TRIO: variants seen among roughly 807,000 people sequenced by gnomAD.
TRIO encodes trio Rho guanine nucleotide exchange factor, also known as triple functional domain protein.
TRIO carries 58 observed loss-of-function variants against 351.9 expected under a neutral mutation model. The ratio of observed to expected loss-of-function variants is 0.16; its 90% CI spans 0.13 to 0.21. TRIO has a LOEUF of 0.21. Ranked by LOEUF, TRIO falls within the 10% of genes least tolerant of loss-of-function variation. The probability of loss-of-function intolerance (pLI) is 1.00; values close to 1 mark genes in which losing one functional copy is unlikely to be tolerated. For missense variants in TRIO, 3,201 were observed against 4,027.8 expected (o/e 0.79, Z 5.56); for synonymous variants, 1,758 against 1,595.7 (o/e 1.10, Z -2.42).
chr5:14,203,090 G>A (rs1332542845), intron 1 of TRIO, among the ~76,000 whole-genome samples: 6 of 152,064 alleles, frequency 3.9e-5, no homozygotes, highest in South Asian at 2.1e-4. Flanking sequence ...GGTTATAGTC[G>A]TAACTTTTTA....
intron 39 of TRIO, among the ~76,000 whole-genome samples, chr5:14,473,672 G>A (rs1754841373): frequency 6.6e-6 from 1 of 152,182 alleles, no homozygotes; most frequent in South Asian, 2.1e-4. Context: ...ATATGATTCT[G>A]ACCAAATATT....
At chr5:14,359,765 G>C (rs978227126) in intron 13 of TRIO, among the ~76,000 whole-genome samples, 1 of 152,364 alleles carries the variant, frequency 6.6e-6, no homozygotes, top group South Asian at 2.1e-4. Flanking sequence ...AAACTATAGA[G>C]CAGGCAGCTC....
At chr5:14,156,500 G>C (rs1312691352) in intron 1 of TRIO, among the ~76,000 whole-genome samples, 3 of 152,030 alleles carry the variant, frequency 2.0e-5, no homozygotes, top group Non-Finnish European at 2.9e-5. Flanking sequence ...TGCACCTCTT[G>C]GTGATAAAAA....
intron 26 of TRIO, 135 bp downstream of exon 26, chr5:14,390,435 T>G: frequency 3.9e-6 from 3 of 776,552 alleles, no homozygotes; most frequent in Non-Finnish European, 6.2e-6. Flanking sequence ...AGACTTTACC[T>G]CAAAGAATTG....
At chr5:14,165,157 A>G (rs1244868105) in intron 1 of TRIO, among the ~76,000 whole-genome samples, 1 of 152,232 alleles carries the variant, frequency 6.6e-6, no homozygotes, top group African/African-American at 2.4e-5. Context: ...TACAGGGGAT[A>G]TACGAGCAGA....
chr5:14,218,191 C>T (rs188248339), intron 1 of TRIO, among the ~76,000 whole-genome samples: 2 of 152,234 alleles, frequency 1.3e-5, no homozygotes, highest in Admixed American at 1.3e-4. Flanking sequence ...TGTCAGTAAG[C>T]AGTTAAGTGG....
In TRIO at chr5:14,374,259, G is replaced by A; in HGVS notation, c.3247G>A (p.Val1083Ile). Residue 1083 changes from valine (V) to isoleucine (I), a missense_variant, in exon 19 of 57, where the codon GTC becomes ATC. This residue lies in a region of TRIO where 201 missense variants were observed against 266.5 expected (regional missense o/e 0.75). Transcript: ENST00000344204. ...CACCCTTGCTCGGAGGAATGCAGAC[G>A]TCTTCCTGAAATACCTGCACAGGAA... Reference protein sequence around the residue: ...ACTLARRNADVFLKYLHRNSV... With the variant: ...ACTLARRNADIFLKYLHRNSV... 1.9e-6 allele frequency: 3 copies of A among 1,613,622 alleles called. No homozygotes were observed. Among genetic ancestry groups the A allele is most frequent in the Non-Finnish European group, 1.7e-6 (2 of 1,179,700 alleles).
chr5:14,498,001 A>G (rs1757010100), intron 51 of TRIO, 88 bp from the exon 52 acceptor site: 1 of 1,610,318 alleles, frequency 6.2e-7, no homozygotes, highest in African/African-American at 1.3e-5. Flanking sequence ...ATAGCAGGTT[A>G]GGTCCTATCA....
intron 1 of TRIO, among the ~76,000 whole-genome samples, chr5:14,207,428 ACACG>A (rs1561202529): frequency 2.6e-5 from 2 of 77,772 alleles, no homozygotes; most frequent in African/African-American, 4.9e-5. Context: ...ACACACACAC[ACACG>A]CAGCCAGGTA....
intron 34 of TRIO, among the ~76,000 whole-genome samples, chr5:14,442,120 C>T (rs1213810971): frequency 6.6e-6 from 1 of 152,206 alleles, no homozygotes; most frequent in Non-Finnish European, 1.5e-5. Flanking sequence ...CCAGACCATA[C>T]AGCCGAAAAA....
chr5:14,178,083 G>C (rs1268225198), intron 1 of TRIO, among the ~76,000 whole-genome samples: 1 of 152,102 alleles, frequency 6.6e-6, no homozygotes, highest in Non-Finnish European at 1.5e-5. Context: ...TTCCTTGTTT[G>C]TGGAGTAATT....
intron 33 of TRIO, among the ~76,000 whole-genome samples, chr5:14,410,958 G>T (rs796526278): frequency 2.6e-5 from 4 of 152,282 alleles, no homozygotes; most frequent in African/African-American, 9.6e-5. Context: ...GATCTCCATG[G>T]TACTTAACCT....
At chr5:14,340,182 CAGG>C (rs1467303866) in intron 11 of TRIO, among the ~76,000 whole-genome samples, 11 of 152,060 alleles carry the variant, frequency 7.2e-5, no homozygotes, top group Admixed American at 1.3e-4. Flanking sequence ...ATCACGAGGT[CAGG>C]AGATCGAGAC....
At chr5:14,183,201 A>G (rs1789899460) in intron 1 of TRIO, among the ~76,000 whole-genome samples, 1 of 151,916 alleles carries the variant, frequency 6.6e-6, no homozygotes, top group African/African-American at 2.4e-5. Context: ...AGAAGCTACA[A>G]CCTTAGTGAG....
At chr5:14,504,818 C>T (rs1160445885) in intron 55 of TRIO, 5 of 587,904 alleles carry the variant, frequency 8.5e-6, no homozygotes, top group African/African-American at 3.7e-5. Context: ...GCAGTCACTG[C>T]TGGGATGGAA....
chr5:14,367,407 A>T (rs1013653904), intron 16 of TRIO, among the ~76,000 whole-genome samples: 8 of 152,180 alleles, frequency 5.3e-5, no homozygotes, highest in African/African-American at 1.7e-4. Context: ...CCAAGCAGAG[A>T]GCTCAGCAAG....
At chr5:14,153,805 CAGCAT>C (rs1378993554) in intron 1 of TRIO, among the ~76,000 whole-genome samples, 3 of 152,200 alleles carry the variant, frequency 2.0e-5, no homozygotes, top group Non-Finnish European at 2.9e-5. Context: ...CTCCTCTATA[CAGCAT>C]CCCACAGCCT....
At chr5:14,494,930 T>G (rs1355787198) in intron 49 of TRIO, among the ~76,000 whole-genome samples, 1 of 152,190 alleles carries the variant, frequency 6.6e-6, no homozygotes, top group Non-Finnish European at 1.5e-5. Flanking sequence ...TAAATACATT[T>G]TGTAATGCCA....
chr5:14,284,845 G>A (rs1317327934), intron 3 of TRIO, among the ~76,000 whole-genome samples: 1 of 152,218 alleles, frequency 6.6e-6, no homozygotes, highest in East Asian at 1.9e-4. Context: ...AGCAGAATAT[G>A]TGAATCTGGA....
Sources: gnomAD v4.1 joint callset for allele counts (sites outside exome capture counted in the v4.1 genomes callset) on GRCh38, gnomAD v4.1.1 for gene constraint, gnomAD v4.1.1 regional missense constraint, MANE v1.5 for transcripts, NCBI Gene and HGNC (gene_info 2026-07-23, HGNC 2026-07-21) for gene names.